Variants in AK5 observed in about 807,000 individuals in gnomAD.
AK5 encodes the protein adenylate kinase 5.
Under a neutral mutation model 69.5 loss-of-function variants are expected in AK5, and 27 were observed. The ratio of observed to expected loss-of-function variants is 0.39; its 90% CI spans 0.29 to 0.54. AK5 has a LOEUF of 0.54. Among genes scored for constraint, AK5 ranks in the 20% least tolerant of loss-of-function variants. The pLI is 0.71. For synonymous variants in AK5, 260 were observed against 244.4 expected (o/e 1.06, Z -0.60); for missense variants, 531 against 700.4 (o/e 0.76, Z 2.73).
chr1:77,552,476 AATGTTGC>A (rs1659870037), intron 13 of AK5, among the ~76,000 whole-genome samples: 1 of 152,238 alleles, frequency 6.6e-6, no homozygotes, highest in Non-Finnish European at 1.5e-5. Context: ...TGAAAAGTTA[AATGTTGC>A]AGTGAATTGC....
intron 6 of AK5, among the ~76,000 whole-genome samples, chr1:77,403,251 G>A (rs1272877085): frequency 6.6e-6 from 1 of 152,110 alleles, no homozygotes; most frequent in Non-Finnish European, 1.5e-5. Context: ...TAGGTTGCCT[G>A]TTCACTCTGA....
rs894491149 is a variant in AK5 at position 77,282,132 on chromosome 1, C to G, written c.-182C>G. The G allele has an allele frequency of 5.1e-5, 24 of 474,892 alleles. No homozygotes were observed. The highest frequency in any genetic ancestry group is 5.5e-4 in the Middle Eastern group (1 of 1,804). 29.4% of individuals were successfully genotyped at this position (474,892 alleles called of 1,614,324 possible). On this transcript the variant is annotated 5_prime_UTR_variant, in exon 1 of 14. Transcript: ENST00000354567. ...GGCGGCGGGAGCGCGGAGACCACAG[C>G]CCCCGGGGAGAGGCGGAGGGGGTCC...
chr1:77,386,288 A>G (rs1481908863), intron 6 of AK5, among the ~76,000 whole-genome samples: 1 of 152,216 alleles, frequency 6.6e-6, no homozygotes, highest in Non-Finnish European at 1.5e-5. Flanking sequence ...ATTATAAGGC[A>G]ACATATTCCA....
At chr1:77,371,149 G>A (rs1570458489) in intron 6 of AK5, among the ~76,000 whole-genome samples, 1 of 152,132 alleles carries the variant, frequency 6.6e-6, no homozygotes, top group Non-Finnish European at 1.5e-5. Context: ...CCCCCTTGCA[G>A]TCAGAATTCT....
chr1:77,405,748 C>A (rs1377505193), intron 6 of AK5, among the ~76,000 whole-genome samples: 5 of 152,244 alleles, frequency 3.3e-5, no homozygotes, highest in Non-Finnish European at 7.4e-5. Flanking sequence ...CTGGAGGAAC[C>A]AGCAGCTGAA....
chr1:77,393,044 G>A (rs116443170), intron 6 of AK5, among the ~76,000 whole-genome samples: 8,125 of 152,012 alleles, frequency 0.053, 348 homozygotes, highest in South Asian at 0.17. Flanking sequence ...TCAGTCTTCC[G>A]ACCTCAGCCT....
In AK5 at chr1:77,412,818, C is replaced by T. The variant is rs937633470; in HGVS notation, c.982+1747C>T. ...ATGGCATCCAATTCTCTTTCTCTCA[C>T]CTTGACCTTTCTCCGGGGAGCCAGG... On this transcript the variant is annotated intron_variant, in intron 7 of 13. Transcript: ENST00000354567. Among the ~76,000 whole-genome samples, 7 of 152,268 alleles carry T rather than the reference C, an allele frequency of 4.6e-5. No homozygotes were observed. The East Asian group carries it at 7.7e-4, about 17-fold the overall frequency.
Position 77,411,036 on chromosome 1 carries a change from A to G in AK5, c.947A>G (p.Asp316Gly). Residue 316 changes from aspartate (D) to glycine (G), a missense_variant, in exon 7 of 14, where the codon GAC (aspartate) becomes GGC (glycine). Coordinates refer to ENST00000354567, the MANE Select transcript of AK5 (RefSeq NM_174858.3). ...EVFYDISMAV[D>G]NKLFPNKEAA... ...TTCTATGACATCAGCATGGCAGTTG[A>G]CAACAAGTTATTTCCAAACAAAGAG... is the stretch of plus-strand genomic sequence containing the variant. 1 of 1,613,836 alleles carries G rather than the reference A, an allele frequency of 6.2e-7. No individual in the cohort carries two copies. The highest frequency in any genetic ancestry group is 8.5e-7 in the Non-Finnish European group (1 of 1,179,852).
At chr1:77,439,695 C>A (rs1043235154) in intron 8 of AK5, among the ~76,000 whole-genome samples, 2 of 150,238 alleles carry the variant, frequency 1.3e-5, no homozygotes, top group Non-Finnish European at 3.0e-5. Context: ...ATAATGTCCT[C>A]CAGTTCCATC....
At chr1:77,335,320 A>G (rs1343334061) in intron 5 of AK5, among the ~76,000 whole-genome samples, 1 of 152,174 alleles carries the variant, frequency 6.6e-6, no homozygotes, top group Non-Finnish European at 1.5e-5. Context: ...TCCGCAGGAG[A>G]AACAATATCA....
intron 8 of AK5, among the ~76,000 whole-genome samples, chr1:77,461,338 T>C (rs538245447): frequency 1.6e-4 from 24 of 151,062 alleles, no homozygotes; most frequent in Non-Finnish European, 3.4e-4. Context: ...CGGCCCTGTA[T>C]GTGGAATTTT....
chr1:77,538,514 G>A (rs917000556), intron 13 of AK5, among the ~76,000 whole-genome samples: 5 of 151,558 alleles, frequency 3.3e-5, no homozygotes, highest in Non-Finnish European at 7.4e-5. Context: ...TCCTGGTGTG[G>A]TGGCGCGTGC....
At chr1:77,528,852 T>C (rs1053883374) in intron 12 of AK5, among the ~76,000 whole-genome samples, 3 of 152,222 alleles carry the variant, frequency 2.0e-5, no homozygotes, top group African/African-American at 7.2e-5. Flanking sequence ...CCTGGCTTTG[T>C]AATTCATTGG....
intron 1 of AK5, chr1:77,282,919 G>A (rs1658141454): frequency 1.0e-6 from 1 of 985,982 alleles, no homozygotes; most frequent in Non-Finnish European, 1.2e-6. Context: ...CCACCTCCCC[G>A]GTGACAGGCC....
Position 77,484,613 on chromosome 1 carries a change from G to T in AK5, c.1102+1254G>T, listed in dbSNP as rs1655473934. 2.0e-5 allele frequency among the ~76,000 whole-genome samples: 3 copies of T among 152,130 alleles called. No homozygotes were observed. The South Asian group carries it at 6.2e-4, about 31-fold the overall frequency. On this transcript the variant is annotated intron_variant, in intron 9 of 13. Transcript: ENST00000354567. ...TCAACTTGGTCTCAACTGGATAGGG[G>T]ATGACTGATTGCCTAAGAAATTTTC...
At chr1:77,388,955 A>AG (rs996609564) in intron 6 of AK5, among the ~76,000 whole-genome samples, 3 of 152,196 alleles carry the variant, frequency 2.0e-5, no homozygotes, top group Non-Finnish European at 2.9e-5. Context: ...AAGAACCAGG[A>AG]GACTGGATGG....
intron 5 of AK5, among the ~76,000 whole-genome samples, chr1:77,326,981 G>T (rs1660837493): frequency 6.6e-6 from 1 of 152,156 alleles, no homozygotes; most frequent in Non-Finnish European, 1.5e-5. Flanking sequence ...CGTCAGGATT[G>T]TGTTCACATA....
At chr1:77,498,662 A>G (rs1295265773) in intron 10 of AK5, among the ~76,000 whole-genome samples, 7 of 152,212 alleles carry the variant, frequency 4.6e-5, no homozygotes, top group Non-Finnish European at 7.3e-5. Context: ...CTCCTAGTGA[A>G]TACAAACATT....
chr1:77,357,007 G>A (rs1307343090), intron 6 of AK5, among the ~76,000 whole-genome samples: 1 of 152,052 alleles, frequency 6.6e-6, no homozygotes, highest in African/African-American at 2.4e-5. Context: ...CTCTTCTTCT[G>A]TCTTCTTCCG....
Sources: allele counts gnomAD v4.1 joint callset (sites outside exome capture counted in the v4.1 genomes callset), GRCh38; gene constraint gnomAD v4.1.1; transcripts MANE v1.5; gene names NCBI Gene and HGNC (gene_info 2026-07-23, HGNC 2026-07-21).